PCDH9: variants seen among roughly 807,000 people sequenced by gnomAD.
PCDH9 encodes protocadherin 9.
In PCDH9, 24 loss-of-function variants were observed where a neutral mutation model predicts 70.6. The observed-to-expected ratio is 0.34, with a 90% CI of 0.25 to 0.48. The LOEUF (loss-of-function observed/expected upper bound fraction) is 0.48, where lower values mean the gene tolerates loss of function less well. Among genes scored for constraint, PCDH9 ranks in the 20% least tolerant of loss-of-function variants. The pLI is 0.99. For missense variants in PCDH9, 1,281 were observed against 1,503.6 expected, an observed-to-expected ratio of 0.85 and a Z score of 2.45; for synonymous variants, 562 against 558.5, an observed-to-expected ratio of 1.01 and a Z score of -0.09.
At chr13:67,011,758 C>G (rs74093516) in intron 2 of PCDH9, among the ~76,000 whole-genome samples, 2 of 151,944 alleles carry the variant, frequency 1.3e-5, no homozygotes, top group South Asian at 4.2e-4. Context: ...TTGTAGGCTG[C>G]TTTTCTTAAA....
At chr13:66,527,415 T>A (rs971481185) in intron 4 of PCDH9, among the ~76,000 whole-genome samples, 4 of 152,146 alleles carry the variant, frequency 2.6e-5, no homozygotes, top group African/African-American at 9.7e-5. Flanking sequence ...CTACAGGTGA[T>A]TAATGTTTTC....
intron 2 of PCDH9, among the ~76,000 whole-genome samples, chr13:66,980,730 G>GTTTTTTTTTCTTTTTTT (rs2083730842): frequency 1.4e-5 from 1 of 70,872 alleles, no homozygotes; most frequent in Admixed American, 1.9e-4. Flanking sequence ...TTTTTTCTTT[G>GTTTTTTTTTCTTTTTTT]TTTTTTTTTT....
intron 4 of PCDH9, among the ~76,000 whole-genome samples, chr13:66,525,346 G>A (rs1014675061): frequency 6.6e-6 from 1 of 152,006 alleles, no homozygotes; most frequent in African/African-American, 2.4e-5. Context: ...TGTGTTTAGA[G>A]TTAGCACTGG....
At position 66,429,491 on chromosome 13, in the gene PCDH9, C is replaced by T. The variant is rs187346692; in HGVS notation, c.3341-124463G>A. ...AAAAAGACTATACAAAAAATGTTTT[C>T]TAATACAGAACATTTATGCCAGAAT... On this transcript the variant is annotated intron_variant, in intron 4 of 4. Transcript: ENST00000377865. Among the ~76,000 whole-genome samples the T allele has an allele frequency of 7.0e-4, 99 of 141,908 alleles. No individual in the cohort carries two copies. The East Asian group carries it at 0.018, about 26-fold the overall frequency. 93.1% of individuals were successfully genotyped at this position (141,908 alleles called of 152,430 possible).
chr13:66,751,802 G>T (rs901527871), intron 3 of PCDH9, among the ~76,000 whole-genome samples: 2 of 152,070 alleles, frequency 1.3e-5, no homozygotes, highest in African/African-American at 4.8e-5. Context: ...GTGACTGTTG[G>T]CTACCATACC....
intron 3 of PCDH9, among the ~76,000 whole-genome samples, chr13:66,870,074 T>A (rs1294488698): frequency 5.3e-5 from 8 of 152,188 alleles, no homozygotes; most frequent in Non-Finnish European, 7.4e-5. Flanking sequence ...TTTAAGTCTT[T>A]AATCCATCTT....
chr13:66,495,577 AATACATACATAC>A (rs542362281), intron 4 of PCDH9, among the ~76,000 whole-genome samples: 31 of 151,048 alleles, frequency 2.1e-4, no homozygotes, highest in Middle Eastern at 3.4e-3. Context: ...TTGCAAAATA[AATACATACATAC>A]ATACATACAT....
intron 2 of PCDH9, among the ~76,000 whole-genome samples, chr13:67,050,634 C>T (rs1415949063): frequency 6.6e-6 from 1 of 152,104 alleles, no homozygotes; most frequent in Non-Finnish European, 1.5e-5. Flanking sequence ...TGTCATTTGG[C>T]TCAAACTTAA....
At chr13:66,629,542 A>G (rs1013131530) in intron 4 of PCDH9, among the ~76,000 whole-genome samples, 4 of 152,232 alleles carry the variant, frequency 2.6e-5, no homozygotes, top group Non-Finnish European at 5.9e-5. Flanking sequence ...AAAACCATGA[A>G]ATCAAAAGAG....
chr13:66,679,691 T>C lies in PCDH9; in HGVS notation c.3139-48280A>G, dbSNP rs889822655. ...TTTGAAAAGCAAATCCCCAATAGAT[T>C]ATTTAAATATGTTATCCAGGAATAT... On this transcript the variant is annotated intron_variant, in intron 3 of 4. Coordinates refer to ENST00000377865, the MANE Select transcript of PCDH9 (RefSeq NM_203487.3). Among the ~76,000 whole-genome samples, 14 of 152,060 alleles carry C rather than the reference T, an allele frequency of 9.2e-5. No homozygotes were observed. In the East Asian group the frequency reaches 2.7e-3, roughly 29 times the overall value.
intron 4 of PCDH9, among the ~76,000 whole-genome samples, chr13:66,545,224 T>G (rs1188596787): frequency 6.6e-6 from 1 of 152,202 alleles, no homozygotes; most frequent in African/African-American, 2.4e-5. Context: ...GGAAAATAGC[T>G]ATTTGCATTG....
chr13:67,170,829 G>A (rs577966455), intron 2 of PCDH9, among the ~76,000 whole-genome samples: 2 of 152,232 alleles, frequency 1.3e-5, no homozygotes, highest in East Asian at 3.9e-4. Context: ...GGAGGCTGAG[G>A]CACAAGAATC....
intron 2 of PCDH9, among the ~76,000 whole-genome samples, chr13:67,132,098 A>G (rs1410354529): frequency 6.6e-6 from 1 of 152,176 alleles, no homozygotes; most frequent in Non-Finnish European, 1.5e-5. Context: ...TTAATTATCT[A>G]GCAAGTTGAC....
intron 2 of PCDH9, among the ~76,000 whole-genome samples, chr13:67,191,161 A>G (rs1287420193): frequency 3.3e-5 from 5 of 152,132 alleles, no homozygotes; most frequent in African/African-American, 9.6e-5. Context: ...CTCTGAGCTT[A>G]TAAGTTTTAC....
chr13:66,329,307 T>C (rs2138111919), intron 4 of PCDH9, among the ~76,000 whole-genome samples: 1 of 152,322 alleles, frequency 6.6e-6, no homozygotes, highest in Middle Eastern at 3.4e-3. Context: ...TGATTTTTAC[T>C]GAGATCTAGG....
chr13:66,842,232 C>T (rs1241601512), intron 3 of PCDH9, among the ~76,000 whole-genome samples: 1 of 152,114 alleles, frequency 6.6e-6, no homozygotes, highest in Non-Finnish European at 1.5e-5. Flanking sequence ...CATATAGTCA[C>T]CTTTATGTCT....
At chr13:67,184,710 G>A (rs2088705145) in intron 2 of PCDH9, among the ~76,000 whole-genome samples, 1 of 152,054 alleles carries the variant, frequency 6.6e-6, no homozygotes, top group South Asian at 2.1e-4. Context: ...CAGCCTGGGT[G>A]AAAAAGTGAG....
At chr13:67,174,768 G>T (rs764834657) in intron 2 of PCDH9, among the ~76,000 whole-genome samples, 1 of 152,052 alleles carries the variant, frequency 6.6e-6, no homozygotes, top group African/African-American at 2.4e-5. Flanking sequence ...CTTTCATAAA[G>T]TGTCATTTCT....
At chr13:66,898,875 T>C (rs752915911) in intron 3 of PCDH9, among the ~76,000 whole-genome samples, 1 of 152,020 alleles carries the variant, frequency 6.6e-6, no homozygotes, top group Non-Finnish European at 1.5e-5. Flanking sequence ...GTACTCTAGC[T>C]ATCAGTGTGT....
Sources: gnomAD v4.1 joint callset for allele counts (sites outside exome capture counted in the v4.1 genomes callset) on GRCh38, gnomAD v4.1.1 for gene constraint, MANE v1.5 for transcripts, NCBI Gene and HGNC (gene_info 2026-07-23, HGNC 2026-07-21) for gene names.